Variants in BCAS3 observed in about 807,000 individuals in gnomAD.
BCAS3 encodes the protein BCAS4/BCAS3 fusion.
BCAS3 carries 53 observed loss-of-function variants against 116.1 expected under a neutral mutation model. The observed-to-expected ratio is 0.46, with a 90% CI of 0.37 to 0.57. The LOEUF is 0.57. Among genes scored for constraint, BCAS3 ranks in the 20% least tolerant of loss-of-function variants. BCAS3 has a pLI of 0.00. For missense variants in BCAS3, 917 were observed against 1,165.4 expected (o/e 0.79, Z 3.10); for synonymous variants, 391 against 408.2 (o/e 0.96, Z 0.51).
intron 15 of BCAS3, among the ~76,000 whole-genome samples, chr17:60,996,600 C>T (rs545270945): frequency 1.3e-3 from 200 of 152,108 alleles, no homozygotes; most frequent in South Asian, 6.2e-3. Context: ...TTTTTGACCT[C>T]CTACTGATGG....
rs997273035 is a variant in BCAS3, at chr17:61,386,802, T to TG, written c.2594-5175_2594-5174insG. 4.6e-4 allele frequency among the ~76,000 whole-genome samples: 68 copies of TG among 148,640 alleles called. 1 individual carries two copies. Among genetic ancestry groups the TG allele is most frequent in the East Asian group, 4.1e-3 (21 of 5,118 alleles). On this transcript the variant is annotated intron_variant, in intron 23 of 23. Transcript: ENST00000407086. ...TTTTTTGTTTTTGTTTTTTGTTTTT[T>TG]TTTTTTTTTTTGAGATGCCAGGCTG...
At chr17:61,055,214 A>C (rs1259754493) in intron 19 of BCAS3, among the ~76,000 whole-genome samples, 1 of 152,210 alleles carries the variant, frequency 6.6e-6, no homozygotes, top group Non-Finnish European at 1.5e-5. Context: ...ATGTGGCATC[A>C]CTTCCATCAC....
At chr17:60,826,893 A>T (rs192070585) in intron 7 of BCAS3, among the ~76,000 whole-genome samples, 14 of 152,350 alleles carry the variant, frequency 9.2e-5, no homozygotes, top group African/African-American at 3.4e-4. Context: ...TTAGGCCTTC[A>T]GTGGCAGCTT....
At chr17:60,725,805 C>T (rs1048590532) in intron 5 of BCAS3, among the ~76,000 whole-genome samples, 4 of 152,064 alleles carry the variant, frequency 2.6e-5, no homozygotes, top group African/African-American at 7.2e-5. Flanking sequence ...CTGTAGAGCC[C>T]CCAAAGAATG....
chr17:60,696,882 G>C (rs2035663842), intron 4 of BCAS3, among the ~76,000 whole-genome samples: 1 of 152,128 alleles, frequency 6.6e-6, no homozygotes. Flanking sequence ...TTACCTTTTA[G>C]AGTGTACAAA....
chr17:61,247,846 T>C (rs1158560809), intron 22 of BCAS3, among the ~76,000 whole-genome samples: 1 of 152,196 alleles, frequency 6.6e-6, no homozygotes, highest in East Asian at 1.9e-4. Context: ...CAACCAGGCC[T>C]CAGGCCTTGT....
At chr17:60,867,724 T>G (rs1419472531) in intron 7 of BCAS3, among the ~76,000 whole-genome samples, 3 of 152,152 alleles carry the variant, frequency 2.0e-5, no homozygotes, top group East Asian at 1.9e-4. Flanking sequence ...ACAATCAAGT[T>G]TTTAGCAAAT....
Position 61,258,330 on chromosome 17 carries a change from G to A in BCAS3, c.2426-109997G>A, listed in dbSNP as rs1055641091. 7.9e-5 allele frequency among the ~76,000 whole-genome samples: 12 copies of A among 152,060 alleles called. No homozygotes were observed. The highest frequency in any genetic ancestry group is 4.1e-4 in the South Asian group (2 of 4,826). The stretch of plus-strand genomic sequence containing the variant: ...CATTGTGGAAAGGGGTTGTTACTTC[G>A]TGCCTTTAGATATCCACCATAATGT... On this transcript the variant is annotated intron_variant, in intron 22 of 23. Coordinates refer to ENST00000407086, the MANE Select transcript of BCAS3 (RefSeq NM_017679.5). The surrounding 1 kb of genome is among the most constrained non-coding windows in gnomAD (Gnocchi z 4.7).
intron 16 of BCAS3, among the ~76,000 whole-genome samples, chr17:61,024,239 A>G (rs1192981573): frequency 6.6e-6 from 1 of 152,186 alleles, no homozygotes; most frequent in African/African-American, 2.4e-5. Context: ...TACGTCAGTC[A>G]CTATAATTCT....
At chr17:60,878,738 C>G (rs550334245) in intron 9 of BCAS3, among the ~76,000 whole-genome samples, 1 of 152,102 alleles carries the variant, frequency 6.6e-6, no homozygotes, top group Admixed American at 6.5e-5. Context: ...TTCTTGAAAA[C>G]CCTAGGGGTC....
At position 61,376,935 on chromosome 17, in the gene BCAS3, C is replaced by T. The variant is rs1415329538; in HGVS notation, c.2593+8441C>T. 2.0e-5 allele frequency among the ~76,000 whole-genome samples: 3 copies of T among 152,174 alleles called. No individual in the cohort carries two copies. The highest frequency in any genetic ancestry group is 1.3e-4 in the Admixed American group (2 of 15,272). On this transcript the variant is annotated intron_variant, in intron 23 of 23. Transcript: ENST00000407086. The surrounding 1 kb of genome is among the most constrained non-coding windows in gnomAD (Gnocchi z 4.5). ...TGGTTGGGGCAGGCAGGGTCTCCAT[C>T]GGTATCTGCCAGTTTCTTCCCCAAT...
At chr17:60,736,090 T>G (rs1181392705) in intron 5 of BCAS3, among the ~76,000 whole-genome samples, 1 of 152,096 alleles carries the variant, frequency 6.6e-6, no homozygotes, top group Non-Finnish European at 1.5e-5. Flanking sequence ...CAGGCTGGAG[T>G]GCAGTGGTGC....
intron 22 of BCAS3, among the ~76,000 whole-genome samples, chr17:61,250,675 TC>T (rs1393868002): frequency 6.6e-6 from 1 of 152,220 alleles, no homozygotes; most frequent in African/African-American, 2.4e-5. Flanking sequence ...CAGTGATCTC[TC>T]CTTTACTAAC....
chr17:60,920,349 T>TGCAA (rs939080152), intron 12 of BCAS3, among the ~76,000 whole-genome samples: 1 of 152,214 alleles, frequency 6.6e-6, no homozygotes, highest in African/African-American at 2.4e-5. Flanking sequence ...GCAAATGGTT[T>TGCAA]ATCTGATAAA....
intron 7 of BCAS3, chr17:60,810,034 A>G (rs1815185170): frequency 5.3e-6 from 1 of 187,484 alleles, no homozygotes. Flanking sequence ...CTATTTTTAA[A>G]TATAAAATTA....
At chr17:60,856,846 A>G (rs1302469938) in intron 7 of BCAS3, among the ~76,000 whole-genome samples, 2 of 151,984 alleles carry the variant, frequency 1.3e-5, no homozygotes, top group Non-Finnish European at 2.9e-5. Flanking sequence ...TAACCTTTTA[A>G]TTTTCAATAA....
At chr17:61,266,650 C>T (rs2144608808) in intron 22 of BCAS3, among the ~76,000 whole-genome samples, 1 of 152,290 alleles carries the variant, frequency 6.6e-6, no homozygotes, top group East Asian at 1.9e-4. Context: ...TTTTCCAAAA[C>T]TGACATATTT....
In BCAS3 at chr17:61,121,393, C is replaced by T. The variant is rs16944838; in HGVS notation, c.2425+36829C>T. ...ATAGTCATAATTGTTAGAGTATCATCGTAGAATAAAATATACCTGTTAACA... is the reference window on the plus strand; with the variant it reads ...ATAGTCATAATTGTTAGAGTATCATTGTAGAATAAAATATACCTGTTAACA... On this transcript the variant is annotated intron_variant, in intron 22 of 23. Coordinates refer to ENST00000407086, the MANE Select transcript of BCAS3 (RefSeq NM_017679.5). Among the ~76,000 whole-genome samples, 409 of 152,214 alleles carry T rather than the reference C, an allele frequency of 2.7e-3. 1 individual carries two copies. The highest frequency in any genetic ancestry group is 9.3e-3 in the African/African-American group (386 of 41,536).
At chr17:60,706,604 C>G (rs573319579) in intron 4 of BCAS3, among the ~76,000 whole-genome samples, 2 of 152,136 alleles carry the variant, frequency 1.3e-5, no homozygotes, top group African/African-American at 4.8e-5. Flanking sequence ...GCGGATGGAT[C>G]TCTTGAGGCC....
Sources: gnomAD v4.1 joint callset for allele counts (sites outside exome capture counted in the v4.1 genomes callset) on GRCh38, gnomAD v4.1.1 for gene constraint, Gnocchi (gnomAD v3.1) non-coding constraint, MANE v1.5 for transcripts, NCBI Gene and HGNC (gene_info 2026-07-23, HGNC 2026-07-21) for gene names.